TIAM1: variants seen among roughly 807,000 people sequenced by gnomAD.
TIAM1 encodes the protein rho guanine nucleotide exchange factor TIAM1.
A neutral mutation model predicts 163.5 loss-of-function variants in TIAM1; 65 were observed. That is an observed-to-expected ratio of 0.40 (90% CI 0.33 to 0.49). TIAM1 has a LOEUF of 0.49. Ranked by LOEUF, TIAM1 falls within the 20% of genes least tolerant of loss-of-function variation. TIAM1 has a pLI of 0.77. For missense variants in TIAM1, 1,789 were observed against 2,044.7 expected (o/e 0.87, Z 2.41); for synonymous variants, 833 against 810.1 (o/e 1.03, Z -0.48).
intron 4 of TIAM1, among the ~76,000 whole-genome samples, chr21:31,261,768 T>C (rs1027978661): frequency 6.6e-6 from 1 of 152,124 alleles, no homozygotes; most frequent in African/African-American, 2.4e-5. Flanking sequence ...TCCTAATCTC[T>C]TTATTTTCTA....
intron 2 of TIAM1, among the ~76,000 whole-genome samples, chr21:31,397,531 C>T (rs767455655): frequency 1.2e-4 from 19 of 152,168 alleles, no homozygotes; most frequent in Admixed American, 3.9e-4. Flanking sequence ...TCATGAAAAT[C>T]ACATTGACCA....
intron 2 of TIAM1, among the ~76,000 whole-genome samples, chr21:31,369,098 A>G (rs747154305): frequency 2.0e-5 from 3 of 151,884 alleles, no homozygotes; most frequent in African/African-American, 7.3e-5. Context: ...TGGTGGCGGG[A>G]GCCTGTAGTC....
chr21:31,363,336 G>A (rs374321651), intron 2 of TIAM1, among the ~76,000 whole-genome samples: 99 of 152,148 alleles, frequency 6.5e-4, no homozygotes, highest in African/African-American at 1.7e-3. Flanking sequence ...ACAGACAAAC[G>A]TATTCCCACT....
At chr21:31,416,912 A>G (rs1460511946) in intron 2 of TIAM1, among the ~76,000 whole-genome samples, 1 of 152,266 alleles carries the variant, frequency 6.6e-6, no homozygotes, top group Non-Finnish European at 1.5e-5. Context: ...GACCGAATCA[A>G]CAAGTCAAAG....
At position 31,298,785 on chromosome 21, in the gene TIAM1, AG is replaced by A. The variant is rs200410450; in HGVS notation, c.-188-21878del. On this transcript the variant is annotated intron_variant, in intron 2 of 27. Coordinates refer to ENST00000541036, the MANE Select transcript of TIAM1 (RefSeq NM_001353694.2). ...GTGTGTGTGAGAAACAGAGAGAGAG[AG>A]AAAAAAAAACAATGAGAGAGAGAGA... 3.5e-3 allele frequency among the ~76,000 whole-genome samples: 488 copies of A among 139,342 alleles called. 3 individuals carry two copies. The highest frequency in any genetic ancestry group is 0.014 in the African/African-American group (474 of 34,590). 91.4% of individuals were successfully genotyped at this position (139,342 alleles called of 152,430 possible). A position where few individuals can be genotyped will look rare whatever the true frequency, so the allele number is the denominator to read the frequency against.
At chr21:31,269,457 AG>A (rs2072949405) in intron 3 of TIAM1, among the ~76,000 whole-genome samples, 1 of 152,222 alleles carries the variant, frequency 6.6e-6, no homozygotes, top group African/African-American at 2.4e-5. Flanking sequence ...ATAAGTTTCT[AG>A]GGATTGCTGA....
chr21:31,520,721 T>C (rs528320589), intron 1 of TIAM1, among the ~76,000 whole-genome samples: 6 of 152,316 alleles, frequency 3.9e-5, no homozygotes, highest in Non-Finnish European at 7.4e-5. Context: ...ACAAAGCCAG[T>C]CAAAAGCACT....
At chr21:31,298,735 G>GGTGTGTGTGTGTGT (rs147701527) in intron 2 of TIAM1, among the ~76,000 whole-genome samples, 6,489 of 138,426 alleles carry the variant, frequency 0.047, 180 homozygotes, top group Non-Finnish European at 0.06. Context: ...TCCAATTGAG[G>GGTGTGTGTGTGTGT]GTGTGTGTGT....
intron 2 of TIAM1, among the ~76,000 whole-genome samples, chr21:31,430,021 C>T (rs979264023): frequency 7.9e-5 from 12 of 151,894 alleles, no homozygotes; most frequent in African/African-American, 2.7e-4. Flanking sequence ...GCCTGGCCAA[C>T]ATGGTGAAAC....
chr21:31,415,171 A>G (rs2043328708), intron 2 of TIAM1, among the ~76,000 whole-genome samples: 1 of 152,222 alleles, frequency 6.6e-6, no homozygotes, highest in South Asian at 2.1e-4. Context: ...CCCAAAGCGT[A>G]AGAGAAAATC....
rs77073119 is a variant in TIAM1, at chr21:31,267,487, C to T, written c.-11-504G>A. On this transcript the variant is annotated intron_variant, in intron 3 of 27. Coordinates refer to ENST00000541036, the MANE Select transcript of TIAM1 (RefSeq NM_001353694.2). Reference sequence around the variant, plus strand: ...GGTGCATTTGGTAACCTCCTTCCCTCCCTGACAATGGGTACGTTTCGTTTT... The same window carrying T: ...GGTGCATTTGGTAACCTCCTTCCCTTCCTGACAATGGGTACGTTTCGTTTT... Among the ~76,000 whole-genome samples the T allele has an allele frequency of 5.7e-3, 862 of 151,644 alleles. 11 individuals are homozygous for T. Among genetic ancestry groups the T allele is most frequent in the African/African-American group, 0.02 (832 of 41,302 alleles).
intron 1 of TIAM1, among the ~76,000 whole-genome samples, chr21:31,522,094 A>G (rs1018433234): frequency 4.6e-5 from 7 of 151,706 alleles, no homozygotes; most frequent in African/African-American, 1.7e-4. Context: ...GATGGTCTCA[A>G]TCTCCTGACC....
chr21:31,222,566 A>G (rs1569055561), intron 8 of TIAM1, among the ~76,000 whole-genome samples: 1 of 151,338 alleles, frequency 6.6e-6, no homozygotes, highest in Non-Finnish European at 1.5e-5. Context: ...CGTGGTCATC[A>G]AAACAATGGT....
intron 2 of TIAM1, among the ~76,000 whole-genome samples, chr21:31,331,351 G>A (rs530431687): frequency 2.6e-5 from 4 of 152,228 alleles, no homozygotes; most frequent in African/African-American, 7.2e-5. Context: ...TTTGGAAAAG[G>A]GGAGCTCACC....
chr21:31,337,143 T>C (rs1013782463), intron 2 of TIAM1, among the ~76,000 whole-genome samples: 14 of 152,122 alleles, frequency 9.2e-5, no homozygotes, highest in African/African-American at 3.4e-4. Context: ...TGAGAAGTCA[T>C]GTATACGTTT....
At chr21:31,162,345 A>G (rs2083968863) in intron 16 of TIAM1, among the ~76,000 whole-genome samples, 1 of 152,202 alleles carries the variant, frequency 6.6e-6, no homozygotes, top group Non-Finnish European at 1.5e-5. Context: ...TTAATAACAC[A>G]CAGTAGAACC....
chr21:31,504,749 T>C (rs1473143209), intron 1 of TIAM1, among the ~76,000 whole-genome samples: 1 of 152,184 alleles, frequency 6.6e-6, no homozygotes, highest in Middle Eastern at 3.2e-3. Context: ...CTTTCTTCTT[T>C]GGATGTTAAA....
At chr21:31,425,405 G>A (rs545673074) in intron 2 of TIAM1, among the ~76,000 whole-genome samples, 2 of 152,130 alleles carry the variant, frequency 1.3e-5, no homozygotes, top group South Asian at 4.1e-4. Flanking sequence ...GCCCTGCCAA[G>A]AGGTAAATGG....
At chr21:31,243,209 A>AAATATATAT (rs59419171) in intron 6 of TIAM1, among the ~76,000 whole-genome samples, 12 of 117,270 alleles carry the variant, frequency 1.0e-4, no homozygotes, top group African/African-American at 4.5e-4. Context: ...AAAAAAAAAA[A>AAATATATAT]ATATATATAT....
Sources: allele counts gnomAD v4.1 joint callset (sites outside exome capture counted in the v4.1 genomes callset), GRCh38; gene constraint gnomAD v4.1.1; transcripts MANE v1.5; gene names NCBI Gene and HGNC (gene_info 2026-07-23, HGNC 2026-07-21).